The following PCARE variants were observed in gnomAD, a reference collection of about 807,000 sequenced individuals.
PCARE encodes uncharacterized protein C2orf71.
PCARE carries 72 observed loss-of-function variants against 82.2 expected under a neutral mutation model. That is an observed-to-expected ratio of 0.88 (90% CI 0.72 to 1.07). The LOEUF (loss-of-function observed/expected upper bound fraction) is 1.07, where lower values mean the gene tolerates loss of function less well. Among genes scored for constraint, PCARE ranks in the 50% least tolerant of loss-of-function variants. The probability of loss-of-function intolerance (pLI) is 0.00; values close to 1 mark genes in which losing one functional copy is unlikely to be tolerated. For synonymous variants in PCARE, 705 were observed against 634.8 expected (o/e 1.11, Z -1.66); for missense variants, 1,768 against 1,592.4 (o/e 1.11, Z -1.88).
In PCARE at chr2:29,072,041, T is replaced by G; in HGVS notation, c.2221A>C (p.Thr741Pro). ...TCCCCCAGCATCCTCAGACTCTCCG[T>G]GGGACTGAAAGTTTCAATAAGCTTC... ...VKKLIETFSPTESLRMLGDSK... is the reference protein window; with the variant it reads ...VKKLIETFSPPESLRMLGDSK... Residue 741 changes from threonine (T) to proline (P), a missense_variant, in exon 1 of 2, where the codon ACG becomes CCG. By Grantham distance (38) the Thr-to-Pro change is conservative. Coordinates refer to ENST00000331664, the MANE Select transcript of PCARE (RefSeq NM_001029883.3). 6.2e-7 allele frequency: 1 copy of G among 1,614,170 alleles called. No homozygotes were observed. Among genetic ancestry groups the G allele is most frequent in the East Asian group, 2.2e-5 (1 of 44,874 alleles).
At position 29,073,517 on chromosome 2, in the gene PCARE, C is replaced by A. The variant is rs1320704123; in HGVS notation, c.745G>T (p.Glu249Ter). Reference protein sequence around the residue: ...DGEVLLQEVREDLAWPLKKRE... With the variant: ...DGEVLLQEVR ...TTCTTCAAAGGCCAAGCCAGATCCT[C>A]CCTGACTTCCTGCAGGAGCACTTCT... Residue 249 changes from glutamate (E) to a stop codon, truncating the protein, a stop_gained, in exon 1 of 2, where the codon GAG becomes TAG. Coordinates refer to ENST00000331664, the MANE Select transcript of PCARE (RefSeq NM_001029883.3). LOFTEE classifies it high-confidence loss of function. 1.2e-6 allele frequency: 2 copies of A among 1,614,066 alleles called. No homozygotes were observed. Among genetic ancestry groups the A allele is most frequent in the Non-Finnish European group, 1.7e-6 (2 of 1,180,036 alleles).
intron 1 of PCARE, among the ~76,000 whole-genome samples, chr2:29,066,359 A>T (rs893314853): frequency 2.0e-5 from 3 of 152,138 alleles, no homozygotes; most frequent in African/African-American, 7.2e-5. Flanking sequence ...GGACCACACT[A>T]TCCTACTACA....
In PCARE at chr2:29,065,065, C is replaced by A; in HGVS notation, c.3671G>T (p.Ser1224Ile). ...SYESQLGQNS[S>I]SEESPKKDTE... is the part of the protein sequence containing the mutation. ...GTCCTTCTTAGGGCTCTCCTCGCTG[C>A]TGCTGCCGAGAGAAAGGACAAGTGC... The change falls in exon 2 of 2, where the codon AGC becomes ATC. Residue 1224 changes from serine to isoleucine, a missense_variant and splice_region_variant. Ser to Ile is a moderately radical substitution (Grantham distance 142). Coordinates refer to ENST00000331664, the MANE Select transcript of PCARE (RefSeq NM_001029883.3). 6.4e-7 allele frequency: 1 copy of A among 1,550,534 alleles called. No individual in the cohort carries two copies. Among genetic ancestry groups the A allele is most frequent in the South Asian group, 1.2e-5 (1 of 84,094 alleles).
In PCARE at chr2:29,072,061, A is replaced by G. The variant is rs1667498963; in HGVS notation, c.2201T>C (p.Leu734Pro). The stretch of plus-strand genomic sequence containing the variant: ...CTCCGTGGGACTGAAAGTTTCAATA[A>G]GCTTCTTGACGGATGTTCTGGTGGG... ...GCPTRTSVKK[L>P]IETFSPTESL... Residue 734 changes from leucine (L) to proline (P), a missense_variant, in exon 1 of 2, where the codon CTT becomes CCT. By Grantham distance (98) the Leu-to-Pro change is moderately conservative. Transcript: ENST00000331664. 1.2e-6 allele frequency: 2 copies of G among 1,614,078 alleles called. No homozygotes were observed. Among genetic ancestry groups the G allele is most frequent in the Admixed American group, 1.7e-5 (1 of 60,004 alleles).
chr2:29,071,582 T>C lies in PCARE; in HGVS notation c.2680A>G (p.Ser894Gly). ...TTGGTCAGGCTGGCGGTGCTCTTGC[T>C]GGGCAGCAAGTCCAGGGGGCTCACA... ...ASVSPLDLLP[S>G]KSTASLTKPH... Residue 894 changes from serine (S) to glycine (G), a missense_variant, in exon 1 of 2, where the codon AGC becomes GGC. Physicochemically the swap from Ser to Gly is moderately conservative, Grantham distance 56. Transcript: ENST00000331664. 1 of 1,611,426 alleles carries C rather than the reference T, an allele frequency of 6.2e-7. No individual in the cohort carries two copies. The highest frequency in any genetic ancestry group is 8.5e-7 in the Non-Finnish European group (1 of 1,179,998).
chr2:29,064,988 G>A lies in PCARE; in HGVS notation c.3748C>T (p.Arg1250Cys), dbSNP rs727503829. ...CSPELQGGTRRASPPEFCVLG... is the reference protein window; with the variant it reads ...CSPELQGGTRCASPPEFCVLG... ...ACACAGAACTCTGGGGGAGATGCACGCCTGGTGCCGCCCTGCAGTTCAGGG... is the reference window on the plus strand; with the variant it reads ...ACACAGAACTCTGGGGGAGATGCACACCTGGTGCCGCCCTGCAGTTCAGGG... Residue 1250 changes from arginine to cysteine, a missense_variant, in exon 2 of 2, where the codon CGT becomes TGT. Arg to Cys is a radical substitution (Grantham distance 180). Coordinates refer to ENST00000331664, the MANE Select transcript of PCARE (RefSeq NM_001029883.3). 26 of 1,579,332 alleles carry A rather than the reference G, an allele frequency of 1.6e-5. No homozygotes were observed. Among genetic ancestry groups the A allele is most frequent in the Middle Eastern group, 1.7e-4 (1 of 5,802 alleles).
Position 29,070,772 on chromosome 2 carries a change from TC to T in PCARE, c.3489del (p.Trp1163Ter), listed in dbSNP as rs770304820. Reference sequence around the variant, plus strand: ...CTCAGCCAAGGCCCTGAGCTGTTCTTCCAGCATTCTGCTGGGTTCCCGAGAG... The same window carrying T: ...CTCAGCCAAGGCCCTGAGCTGTTCTTCAGCATTCTGCTGGGTTCCCGAGAG... ...GGPLGNPAECWKNSSGPWLRA... is the reference protein window; with the variant it reads ...GGPLGNPAECXKNSSGPWLRA... On this transcript the variant is annotated frameshift_variant, in exon 1 of 2. Transcript: ENST00000331664. LOFTEE classifies it high-confidence loss of function. The T allele has an allele frequency of 6.2e-7, 1 of 1,614,134 alleles. No individual in the cohort carries two copies. The highest frequency in any genetic ancestry group is 8.5e-7 in the Non-Finnish European group (1 of 1,180,028).
rs1312052437 is a variant in PCARE, at chr2:29,071,475, G to A, written c.2787C>T (p.Ala929=). 1 of 1,611,816 alleles carries A rather than the reference G, an allele frequency of 6.2e-7. No homozygotes were observed. The highest frequency in any genetic ancestry group is 8.5e-7 in the Non-Finnish European group (1 of 1,179,984). ...KPALDLSSPP[A]TSQSPEVKGG... The stretch of plus-strand genomic sequence containing the variant: ...CCTTCACCTCGGGGCTTTGGCTGGT[G>A]GCTGGTGGGCTGCTCAGGTCCAGGG... The change falls in exon 1 of 2, where the codon GCC becomes GCT. Residue 929 remains alanine, a synonymous_variant. Coordinates refer to ENST00000331664, the MANE Select transcript of PCARE (RefSeq NM_001029883.3).
In PCARE at chr2:29,072,102, C is replaced by G. The variant is rs1401696076; in HGVS notation, c.2160G>C (p.Trp720Cys). Residue 720 changes from tryptophan (W) to cysteine (C), a missense_variant, in exon 1 of 2, where the codon TGG (tryptophan) becomes TGC (cysteine). Transcript: ENST00000331664. Reference sequence around the variant, plus strand: ...TTCTGGTGGGACAGCCTCTGACATTCCAGTCTGTGGCCTTGGCAGCCTCAC... The same window carrying G: ...TTCTGGTGGGACAGCCTCTGACATTGCAGTCTGTGGCCTTGGCAGCCTCAC... ...EVSEAAKATD[W>C]NVRGCPTRTS... The G allele has an allele frequency of 1.2e-6, 2 of 1,614,246 alleles. No homozygotes were observed. Among genetic ancestry groups the G allele is most frequent in the Admixed American group, 3.3e-5 (2 of 60,026 alleles).
At chr2:29,066,815 G>A (rs1158975622) in intron 1 of PCARE, among the ~76,000 whole-genome samples, 1 of 152,246 alleles carries the variant, frequency 6.6e-6, no homozygotes, top group African/African-American at 2.4e-5. Flanking sequence ...GAGCGTGCAT[G>A]CCTGGGCAGT....
rs773616732 is a variant in PCARE, at chr2:29,073,960, G to T, written c.302C>A (p.Ser101Tyr). 2 of 1,614,222 alleles carry T rather than the reference G, an allele frequency of 1.2e-6. No homozygotes were observed. Among genetic ancestry groups the T allele is most frequent in the East Asian group, 2.2e-5 (1 of 44,890 alleles). ...GLIPGTKTSS[S>Y]QLNKSQSHMA... ...GTGGCTTTGTGATTTGTTCAGCTGGGATGAAGAGGTTTTGGTTCCTGGGAT... is the reference window on the plus strand; with the variant it reads ...GTGGCTTTGTGATTTGTTCAGCTGGTATGAAGAGGTTTTGGTTCCTGGGAT... The change falls in exon 1 of 2, where the codon TCC (serine) becomes TAC (tyrosine). Residue 101 changes from serine to tyrosine, a missense_variant. Transcript: ENST00000331664.
chr2:29,067,082 C>T (rs890785208), intron 1 of PCARE, among the ~76,000 whole-genome samples: 4 of 151,830 alleles, frequency 2.6e-5, no homozygotes, highest in South Asian at 2.1e-4. Flanking sequence ...TCTGCCTGCA[C>T]GGAGTGACTG....
chr2:29,065,358 G>A (rs12714260), intron 1 of PCARE, among the ~76,000 whole-genome samples: 6 of 152,246 alleles, frequency 3.9e-5, no homozygotes, highest in Admixed American at 3.9e-4. Flanking sequence ...TCCCTCAGAA[G>A]CTCTGGGAGC....
Position 29,071,661 on chromosome 2 carries a change from C to T in PCARE, c.2601G>A (p.Pro867=), listed in dbSNP as rs201689311. ...NSPKETQEPG[P]GEAGPTRRTW... ...TTCTCCTGGTGGGGCCAGCCTCTCCCGGCCCTGGCTCCTGGGTTTCCTTGG... is the reference window on the plus strand; with the variant it reads ...TTCTCCTGGTGGGGCCAGCCTCTCCTGGCCCTGGCTCCTGGGTTTCCTTGG... The change falls in exon 1 of 2, where the codon CCG becomes CCA. Residue 867 remains proline (P), a synonymous_variant. Coordinates refer to ENST00000331664, the MANE Select transcript of PCARE (RefSeq NM_001029883.3). 2.6e-4 allele frequency: 417 copies of T among 1,613,982 alleles called. No homozygotes were observed. The African/African-American group carries it at 4.5e-3, about 17-fold the overall frequency.
In PCARE at chr2:29,072,867, C is replaced by T. The variant is rs757428273; in HGVS notation, c.1395G>A (p.Val465=). ...TGGAGGTTTTGGAAAGGTGTGGTTC[C>T]ACAGAGACCCCAATCCCAAAGGAAT... is the stretch of plus-strand genomic sequence containing the variant. ...PCDSFGIGVS[V]EPHLSKTSRP... Residue 465 remains valine, a synonymous_variant, in exon 1 of 2, where the codon GTG becomes GTA. Transcript: ENST00000331664. The T allele has an allele frequency of 1.4e-5, 22 of 1,614,144 alleles. No individual in the cohort carries two copies. In the East Asian group the frequency reaches 4.7e-4, roughly 34 times the overall value.
chr2:29,063,124 G>T lies in PCARE; in HGVS notation c.*1745C>A, dbSNP rs1344509247. ...TAGGGAGAATGCCCAGATCTCTGTC[G>T]GGCAAGTTTGCTGAACCTGGTCCAT... On this transcript the variant is annotated 3_prime_UTR_variant, in exon 2 of 2. Transcript: ENST00000331664. 1 of 152,306 alleles carries T rather than the reference G, an allele frequency of 6.6e-6. No individual in the cohort carries two copies. Among genetic ancestry groups the T allele is most frequent in the African/African-American group, 2.4e-5 (1 of 41,432 alleles). The allele number at this position is 152,306 out of a possible 1,614,324, so 9.4% of individuals were successfully genotyped here. A position where few individuals can be genotyped will look rare whatever the true frequency, so the allele number is the denominator to read the frequency against.
rs1263261220 is a variant in PCARE at position 29,070,881 on chromosome 2, G to C, written c.3381C>G (p.Thr1127=). ...GNTHSIFCPA[T]SSLFEAKPPL... ...GCGGTTTAGCTTCAAACAGAGAGGA[G>C]GTAGCTGGGCAGAATATGGAATGTG... Residue 1127 remains threonine, a synonymous_variant, in exon 1 of 2, where the codon ACC becomes ACG. Transcript: ENST00000331664. 1.9e-6 allele frequency: 3 copies of C among 1,613,902 alleles called. No individual in the cohort carries two copies. The highest frequency in any genetic ancestry group is 8.5e-7 in the Non-Finnish European group (1 of 1,180,040).
intron 1 of PCARE, among the ~76,000 whole-genome samples, chr2:29,066,980 C>T (rs1667399985): frequency 6.6e-6 from 1 of 152,244 alleles, no homozygotes; most frequent in Non-Finnish European, 1.5e-5. Context: ...AGTAATTGAG[C>T]TTCCTGGGTA....
rs780099739 is a variant in PCARE at position 29,071,351 on chromosome 2, T to G, written c.2911A>C (p.Arg971=). 6.8e-6 allele frequency: 11 copies of G among 1,613,590 alleles called. No homozygotes were observed. The highest frequency in any genetic ancestry group is 7.6e-6 in the Non-Finnish European group (9 of 1,179,926). Residue 971 remains arginine, a synonymous_variant, in exon 1 of 2, where the codon AGG becomes CGG. Transcript: ENST00000331664. The stretch of plus-strand genomic sequence containing the variant: ...CTGGCCAGGCTGGACTCTGAGGTCC[T>G]GTTTTGTCCAGATGGAGGGCCGGAG... ...HHSGPPSGQN[R]TSESSLARPR...
Sources: gnomAD v4.1 joint callset for allele counts (sites outside exome capture counted in the v4.1 genomes callset) on GRCh38, gnomAD v4.1.1 for gene constraint, MANE v1.5 for transcripts, NCBI Gene and HGNC (gene_info 2026-07-23, HGNC 2026-07-21) for gene names.